RFPL1: variants seen among roughly 807,000 people sequenced by gnomAD.
RFPL1 encodes the protein ret finger protein-like 1.
In RFPL1, 6 loss-of-function variants were observed where a neutral mutation model predicts 9.6. The observed-to-expected ratio is 0.62, with a 90% CI of 0.34 to 1.23. The LOEUF (loss-of-function observed/expected upper bound fraction) is 1.23. RFPL1 is among the 50% of genes most tolerant of loss of function. The pLI, the probability that RFPL1 is intolerant of heterozygous loss-of-function variation, is 0.03. For synonymous variants in RFPL1, 145 were observed against 149.4 expected (o/e 0.97, Z 0.22); for missense variants, 352 against 398.4 (o/e 0.88, Z 0.99).
the RFPL1 span, among the ~76,000 whole-genome samples, chr22:29,397,869 T>A: frequency 6.6e-6 from 1 of 152,142 alleles, no homozygotes; most frequent in Non-Finnish European, 1.5e-5. Context: ...AGCCCGGGCC[T>A]TGGCTAGTTC....
the RFPL1 span, among the ~76,000 whole-genome samples, chr22:29,424,986 C>T: frequency 6.6e-6 from 1 of 151,872 alleles, no homozygotes; most frequent in Non-Finnish European, 1.5e-5. Flanking sequence ...GGGCGGATCA[C>T]GAGGTCAGGA....
At chr22:29,411,773 A>G in the RFPL1 span, among the ~76,000 whole-genome samples, 1 of 152,256 alleles carries the variant, frequency 6.6e-6, no homozygotes, top group African/African-American at 2.4e-5. Flanking sequence ...AGTGGTAGAA[A>G]TCAGGAACTG....
At chr22:29,408,820 T>C in the RFPL1 span, among the ~76,000 whole-genome samples, 1 of 152,186 alleles carries the variant, frequency 6.6e-6, no homozygotes, top group African/African-American at 2.4e-5. Context: ...TGAAAAATAA[T>C]TTTGTATTTG....
chr22:29,418,801 A>G, the RFPL1 span, among the ~76,000 whole-genome samples: 1 of 151,964 alleles, frequency 6.6e-6, no homozygotes, highest in Non-Finnish European at 1.5e-5. Flanking sequence ...CCTGGCCCAG[A>G]TTTCCCATTC....
At chr22:29,442,346 C>T in exon 2 of RFPL1, 1 of 380,030 alleles carries the variant, frequency 2.6e-6, no homozygotes, top group Non-Finnish European at 4.7e-6. Context: ...ATCTTGTTTC[C>T]TATAGAAATA....
chr22:29,435,527 G>C (rs1249782815), upstream of RFPL1, among the ~76,000 whole-genome samples: 1 of 152,164 alleles, frequency 6.6e-6, no homozygotes. Context: ...ATCCAGCAGA[G>C]AGCAAACCCC....
chr22:29,421,944 TG>T, the RFPL1 span, among the ~76,000 whole-genome samples: 2 of 152,114 alleles, frequency 1.3e-5, no homozygotes, highest in African/African-American at 2.4e-5. Flanking sequence ...ATACATGAAA[TG>T]CCTGATAAGG....
the RFPL1 span, among the ~76,000 whole-genome samples, chr22:29,388,888 G>T: frequency 6.6e-6 from 1 of 152,040 alleles, no homozygotes; most frequent in African/African-American, 2.4e-5. Flanking sequence ...TTGTTTGTTT[G>T]TTTGAAATAG....
the RFPL1 span, among the ~76,000 whole-genome samples, chr22:29,415,657 C>G: frequency 9.8e-5 from 15 of 152,372 alleles, no homozygotes; most frequent in African/African-American, 3.1e-4. Context: ...AAGGAAGAGG[C>G]TTTATTCGGC....
chr22:29,395,912 G>A, the RFPL1 span, among the ~76,000 whole-genome samples: 1 of 152,150 alleles, frequency 6.6e-6, no homozygotes, highest in Non-Finnish European at 1.5e-5. Context: ...GGCAGAGGTT[G>A]CAGTGAGCTG....
chr22:29,408,525 G>A, the RFPL1 span, among the ~76,000 whole-genome samples: 5 of 152,350 alleles, frequency 3.3e-5, no homozygotes, highest in Admixed American at 6.5e-5. Flanking sequence ...ATGTGCAGGC[G>A]TCTGCACACG....
chr22:29,437,460 C>T, upstream of RFPL1: 2 of 686,696 alleles, frequency 2.9e-6, no homozygotes, highest in South Asian at 1.9e-5. Context: ...AATATAAAGG[C>T]AATTTAATCT....
At chr22:29,397,259 G>A in the RFPL1 span, among the ~76,000 whole-genome samples, 1 of 152,188 alleles carries the variant, frequency 6.6e-6, no homozygotes, top group Non-Finnish European at 1.5e-5. Flanking sequence ...CAACAACTGA[G>A]ACAAATCTCT....
In RFPL1 at chr22:29,439,405, G is replaced by A. The variant is rs1271069480; in HGVS notation, c.373+241G>A. 4.8e-5 allele frequency: 28 copies of A among 580,534 alleles called. No individual in the cohort carries two copies. In the East Asian group the frequency reaches 6.7e-4, roughly 14 times the overall value. 36.0% of individuals were successfully genotyped at this position (580,534 alleles called of 1,614,324 possible). ...TGTCAGCACTTTGGGAGGCCGAGGC[G>A]GGTGGATCACGAGGTCAGGAGATCG... On this transcript the variant is annotated intron_variant, in intron 1 of 1. Coordinates refer to ENST00000354373, the Ensembl canonical transcript of RFPL1.
chr22:29,417,836 T>G, the RFPL1 span, among the ~76,000 whole-genome samples: 4 of 152,018 alleles, frequency 2.6e-5, no homozygotes, highest in Non-Finnish European at 4.4e-5. Context: ...CAGTCTCCAT[T>G]TAGTGCTGGG....
At chr22:29,439,233 C>T in intron 1 of RFPL1, 69 bp downstream of exon 1, 3 of 1,547,826 alleles carry the variant, frequency 1.9e-6, no homozygotes, top group East Asian at 2.3e-5. Context: ...GCAACTGGCC[C>T]CTCATTCCAT....
the RFPL1 span, among the ~76,000 whole-genome samples, chr22:29,397,662 T>C: frequency 6.6e-6 from 1 of 152,188 alleles, no homozygotes. Flanking sequence ...AAAGTGGTGA[T>C]GGGACTCTGT....
the RFPL1 span, among the ~76,000 whole-genome samples, chr22:29,412,251 G>T: frequency 6.6e-6 from 1 of 152,218 alleles, no homozygotes; most frequent in Non-Finnish European, 1.5e-5. Context: ...GTCTGGGACA[G>T]ATAAGTTTTC....
At chr22:29,389,299 A>G in the RFPL1 span, among the ~76,000 whole-genome samples, 1 of 151,988 alleles carries the variant, frequency 6.6e-6, no homozygotes, top group African/African-American at 2.4e-5. Flanking sequence ...GAGGCAGGAG[A>G]ATAGCTTGAG....
Sources: allele counts gnomAD v4.1 joint callset (sites outside exome capture counted in the v4.1 genomes callset), GRCh38; gene constraint gnomAD v4.1.1; transcripts MANE v1.5; gene names NCBI Gene and HGNC (gene_info 2026-07-23, HGNC 2026-07-21).